GPHN: variants seen among roughly 807,000 people sequenced by gnomAD.
GPHN encodes gephyrin.
A neutral mutation model predicts 95.5 loss-of-function variants in GPHN; 17 were observed. That is an observed-to-expected ratio of 0.18 (90% CI 0.12 to 0.27). The LOEUF (loss-of-function observed/expected upper bound fraction) is 0.27, where lower values mean the gene tolerates loss of function less well. Ranked by LOEUF, GPHN falls within the 10% of genes least tolerant of loss-of-function variation. The pLI is 1.00. For missense variants in GPHN, 660 were observed against 978.1 expected, an observed-to-expected ratio of 0.67 and a Z score of 4.34; for synonymous variants, 320 against 322.5, an observed-to-expected ratio of 0.99 and a Z score of 0.08.
chr14:66,572,117 C>A (rs2060718285), intron 1 of GPHN, among the ~76,000 whole-genome samples: 1 of 152,086 alleles, frequency 6.6e-6, no homozygotes, highest in African/African-American at 2.4e-5. Flanking sequence ...TGTCTATGTG[C>A]CTGTTTTTGT....
intron 9 of GPHN, among the ~76,000 whole-genome samples, chr14:67,018,053 A>G (rs1162932494): frequency 1.3e-5 from 2 of 152,138 alleles, no homozygotes; most frequent in East Asian, 1.9e-4. Context: ...CTTTTCCTCT[A>G]AGAACCTGCA....
At chr14:66,671,714 T>C (rs893162875) in intron 1 of GPHN, among the ~76,000 whole-genome samples, 3 of 152,168 alleles carry the variant, frequency 2.0e-5, no homozygotes, top group South Asian at 4.1e-4. Flanking sequence ...CTTTAAGGAA[T>C]TGGTTTATTC....
the GPHN span, among the ~76,000 whole-genome samples, chr14:67,568,157 A>G: frequency 5.9e-5 from 9 of 152,232 alleles, no homozygotes; most frequent in South Asian, 1.9e-3. Context: ...TATGTTCATC[A>G]CAGCACTACT....
chr14:67,058,606 G>A, intron 10 of GPHN, 43 bp from the exon 11 acceptor site: 1 of 1,561,880 alleles, frequency 6.4e-7, no homozygotes, highest in Non-Finnish European at 8.8e-7. Flanking sequence ...TTTTTAATCA[G>A]TGTTACAGCA....
At chr14:66,508,819 G>T (rs892622870) in intron 1 of GPHN, among the ~76,000 whole-genome samples, 15 of 152,126 alleles carry the variant, frequency 9.9e-5, no homozygotes, top group Non-Finnish European at 1.9e-4. Context: ...GGGATGTTAG[G>T]CCCCAGCGCC....
the GPHN span, among the ~76,000 whole-genome samples, chr14:67,374,813 A>G: frequency 6.6e-6 from 1 of 152,280 alleles, no homozygotes; most frequent in African/African-American, 2.4e-5. Flanking sequence ...TATTTTGTCC[A>G]GGTTGGTCTC....
chr14:67,466,177 C>T, the GPHN span, among the ~76,000 whole-genome samples: 1 of 152,218 alleles, frequency 6.6e-6, no homozygotes, highest in Non-Finnish European at 1.5e-5. Flanking sequence ...TCTGGTGGAC[C>T]CTTCTAAACC....
At chr14:66,948,956 T>C (rs552363309) in intron 8 of GPHN, among the ~76,000 whole-genome samples, 96 of 152,308 alleles carry the variant, frequency 6.3e-4, no homozygotes, top group Admixed American at 1.0e-3. Context: ...GTTTTTTCTT[T>C]AATAAAACTT....
the GPHN span, among the ~76,000 whole-genome samples, chr14:67,299,671 A>G: frequency 6.6e-6 from 1 of 152,202 alleles, no homozygotes; most frequent in African/African-American, 2.4e-5. Flanking sequence ...AGCTGATGAT[A>G]TGTGTTGACA....
At chr14:66,750,815 A>G (rs778382812) in intron 2 of GPHN, among the ~76,000 whole-genome samples, 25 of 152,024 alleles carry the variant, frequency 1.6e-4, no homozygotes, top group Non-Finnish European at 3.1e-4. Flanking sequence ...ACATATTACT[A>G]TTACTCCTAA....
intron 1 of GPHN, among the ~76,000 whole-genome samples, chr14:66,574,736 G>C (rs1297132569): frequency 6.6e-6 from 1 of 152,144 alleles, no homozygotes; most frequent in African/African-American, 2.4e-5. Flanking sequence ...AGTGTGGGTA[G>C]GCATCATCCT....
At chr14:67,058,356 C>T (rs1304405601) in intron 10 of GPHN, among the ~76,000 whole-genome samples, 1 of 152,160 alleles carries the variant, frequency 6.6e-6, no homozygotes, top group Non-Finnish European at 1.5e-5. Context: ...TCTTAGGTGC[C>T]TATGACAATG....
the GPHN span, among the ~76,000 whole-genome samples, chr14:67,628,756 T>C: frequency 5.9e-5 from 9 of 152,292 alleles, no homozygotes; most frequent in South Asian, 4.1e-4. Context: ...TGTGGAGAAA[T>C]TGAAACTCTT....
chr14:67,660,191 T>C, the GPHN span: 1 of 288,028 alleles, frequency 3.5e-6, no homozygotes, highest in Non-Finnish European at 6.5e-6. Context: ...TACTAAACAC[T>C]TTTATATACA....
chr14:67,566,221 C>T, the GPHN span, among the ~76,000 whole-genome samples: 1 of 152,120 alleles, frequency 6.6e-6, no homozygotes, highest in Non-Finnish European at 1.5e-5. Flanking sequence ...TTCAAGGACA[C>T]CTGTAAGACT....
At chr14:66,968,320 T>G (rs1261137835) in intron 9 of GPHN, among the ~76,000 whole-genome samples, 3 of 151,992 alleles carry the variant, frequency 2.0e-5, no homozygotes, top group Non-Finnish European at 2.9e-5. Context: ...GGGAATGTGT[T>G]TAATCTGAGG....
the GPHN span, among the ~76,000 whole-genome samples, chr14:67,432,649 G>A: frequency 8.5e-5 from 13 of 152,324 alleles, no homozygotes; most frequent in African/African-American, 3.1e-4. Context: ...AAACTGTGGG[G>A]CTGAAATAAA....
the GPHN span, among the ~76,000 whole-genome samples, chr14:67,531,783 C>T: frequency 2.0e-5 from 3 of 146,472 alleles, no homozygotes; most frequent in African/African-American, 7.6e-5. Context: ...TAGCATGTGC[C>T]TATAGTCCCA....
the GPHN span, among the ~76,000 whole-genome samples, chr14:67,236,189 C>G: frequency 6.6e-6 from 1 of 152,004 alleles, no homozygotes; most frequent in Non-Finnish European, 1.5e-5. Context: ...GAACTTATTC[C>G]TCCTAACTGA....
Sources: gnomAD v4.1 joint callset for allele counts (sites outside exome capture counted in the v4.1 genomes callset) on GRCh38, gnomAD v4.1.1 for gene constraint, MANE v1.5 for transcripts, NCBI Gene and HGNC (gene_info 2026-07-23, HGNC 2026-07-21) for gene names.